Variants in ANKRD62 observed in about 807,000 individuals in gnomAD.
ANKRD62 encodes the protein ankyrin repeat domain-containing protein 62.
ANKRD62 carries 61 observed loss-of-function variants against 98.8 expected under a neutral mutation model. The observed-to-expected ratio is 0.62, with a 90% CI of 0.50 to 0.76. The LOEUF is 0.76. ANKRD62 is among the 30% of genes least tolerant of loss of function. The probability of loss-of-function intolerance (pLI) is 0.00; values close to 1 mark genes in which losing one functional copy is unlikely to be tolerated. For missense variants in ANKRD62, 933 were observed against 1,082.9 expected, an observed-to-expected ratio of 0.86 and a Z score of 1.94; for synonymous variants, 341 against 367.9, an observed-to-expected ratio of 0.93 and a Z score of 0.84.
chr18:12,169,029 T>G, the ANKRD62 span, among the ~76,000 whole-genome samples: 1 of 152,194 alleles, frequency 6.6e-6, no homozygotes, highest in Non-Finnish European at 1.5e-5. Context: ...TAAGGAGATT[T>G]TGGGCTGAGA....
At chr18:12,107,055 G>T (rs535954483) in intron 7 of ANKRD62, among the ~76,000 whole-genome samples, 1 of 152,050 alleles carries the variant, frequency 6.6e-6, no homozygotes, top group South Asian at 2.1e-4. Flanking sequence ...TTTGGAATGG[G>T]CCCATTTTGA....
Position 12,125,455 on chromosome 18 carries a change from T to C in ANKRD62, c.1639-5T>C. On this transcript the variant is annotated splice_polypyrimidine_tract_variant and splice_region_variant and intron_variant, in intron 12 of 13. Transcript: ENST00000587848. The stretch of plus-strand genomic sequence containing the variant: ...CTAGTTGAGAGTTTTCTTTGTTTTA[T>C]TTAGAATTTTCATACTCATGAAAGA... The C allele has an allele frequency of 6.9e-7, 1 of 1,444,110 alleles. No individual in the cohort carries two copies. The highest frequency in any genetic ancestry group is 1.6e-5 in the South Asian group (1 of 64,118). 89.5% of individuals were successfully genotyped at this position (1,444,110 alleles called of 1,614,324 possible).
the ANKRD62 span, among the ~76,000 whole-genome samples, chr18:12,165,341 TC>T: frequency 6.6e-6 from 1 of 152,014 alleles, no homozygotes; most frequent in Non-Finnish European, 1.5e-5. Context: ...TTTCAAGTCT[TC>T]TTTTCTTCCT....
the ANKRD62 span, among the ~76,000 whole-genome samples, chr18:12,156,833 AT>A: frequency 6.6e-6 from 1 of 152,314 alleles, no homozygotes; most frequent in Admixed American, 6.5e-5. Flanking sequence ...TCATTGCTTG[AT>A]TGAAAATGTC....
rs1405399936 is a variant in ANKRD62 at position 12,115,383 on chromosome 18, T to A, written c.1099-10T>A. On this transcript the variant is annotated splice_polypyrimidine_tract_variant and intron_variant, in intron 9 of 13. Coordinates refer to ENST00000587848, the MANE Select transcript of ANKRD62 (RefSeq NM_001277333.2). ...GAGGGCATTTTGAAACAGTGTTATT[T>A]ATTTTATAGGTTAAAAGCCAAATAT... 1 of 1,526,442 alleles carries A rather than the reference T, an allele frequency of 6.6e-7. No individual in the cohort carries two copies. The highest frequency in any genetic ancestry group is 8.8e-7 in the Non-Finnish European group (1 of 1,141,712). 94.6% of individuals were successfully genotyped at this position (1,526,442 alleles called of 1,614,324 possible).
chr18:12,156,173 G>A, the ANKRD62 span, among the ~76,000 whole-genome samples: 3 of 150,884 alleles, frequency 2.0e-5, no homozygotes, highest in Admixed American at 6.6e-5. Flanking sequence ...ATAATTGGAA[G>A]CTTCCTGAGG....
At chr18:12,157,250 A>T in the ANKRD62 span, among the ~76,000 whole-genome samples, 1 of 152,150 alleles carries the variant, frequency 6.6e-6, no homozygotes, top group Non-Finnish European at 1.5e-5. Context: ...TATACAGTAA[A>T]ATTTATTCTT....
chr18:12,174,785 T>C, the ANKRD62 span, among the ~76,000 whole-genome samples: 2 of 152,250 alleles, frequency 1.3e-5, no homozygotes, highest in Admixed American at 1.3e-4. Context: ...TCCCAACTCC[T>C]GAACTACCTG....
At position 12,125,951 on chromosome 18, in the gene ANKRD62, G is replaced by A; in HGVS notation, c.2130G>A (p.Glu710=). 1 of 1,538,022 alleles carries A rather than the reference G, an allele frequency of 6.5e-7. No homozygotes were observed. Among genetic ancestry groups the A allele is most frequent in the Non-Finnish European group, 8.7e-7 (1 of 1,146,924 alleles). Residue 710 remains glutamate (E), a synonymous_variant, in exon 13 of 14, where the codon GAG becomes GAA. Transcript: ENST00000587848. ...TTTCTCAGCAACTTTCTAAAGCTGA[G>A]AGTACATCCAGTGGCCTGGAAACTG... ...QILSQQLSKA[E]STSSGLETEL...
chr18:12,123,348 T>C (rs982291052), intron 11 of ANKRD62, among the ~76,000 whole-genome samples: 6 of 152,140 alleles, frequency 3.9e-5, no homozygotes, highest in African/African-American at 1.4e-4. Flanking sequence ...CAACCACGCC[T>C]GGCCCAGTTT....
chr18:12,098,175 G>C (rs1011759952), intron 5 of ANKRD62, among the ~76,000 whole-genome samples: 10 of 152,148 alleles, frequency 6.6e-5, no homozygotes, highest in African/African-American at 2.2e-4. Context: ...GCTTTTCTTA[G>C]ATAGAGGAGG....
At chr18:12,113,660 G>A (rs977520501) in intron 8 of ANKRD62, among the ~76,000 whole-genome samples, 16 of 152,120 alleles carry the variant, frequency 1.1e-4, no homozygotes, top group Non-Finnish European at 1.9e-4. Context: ...AGATGCTTGT[G>A]AGGTTGTACA....
chr18:12,102,750 ACT>A, intron 6 of ANKRD62: 1 of 1,002,482 alleles, frequency 1.0e-6, no homozygotes, highest in Non-Finnish European at 1.2e-6. Flanking sequence ...ATTGGAAGTT[ACT>A]CATAATAAGA....
chr18:12,129,058 C>T lies in ANKRD62; in HGVS notation c.*1119C>T, dbSNP rs1365011442. On this transcript the variant is annotated 3_prime_UTR_variant, in exon 14 of 14. Coordinates refer to ENST00000587848, the MANE Select transcript of ANKRD62 (RefSeq NM_001277333.2). Reference sequence around the variant, plus strand: ...CTCCAGCCTGGGTGGCTGAGCAAGACTCCGTCTTAAAAAAAAAAAAGTGCA... The same window carrying T: ...CTCCAGCCTGGGTGGCTGAGCAAGATTCCGTCTTAAAAAAAAAAAAGTGCA... 2 of 151,234 alleles carry T rather than the reference C, an allele frequency of 1.3e-5. No individual in the cohort carries two copies. The highest frequency in any genetic ancestry group is 2.4e-5 in the African/African-American group (1 of 41,054). The allele number at this position is 151,234 out of a possible 1,614,324, so 9.4% of individuals were successfully genotyped here.
chr18:12,170,958 C>CTTTTTTTT, the ANKRD62 span, among the ~76,000 whole-genome samples: 1 of 137,028 alleles, frequency 7.3e-6, no homozygotes, highest in Non-Finnish European at 1.6e-5. Flanking sequence ...GCAACCCCTG[C>CTTTTTTTT]TTTTTTTTTT....
At chr18:12,110,590 G>A (rs6505717) in intron 8 of ANKRD62, among the ~76,000 whole-genome samples, 90,365 of 151,966 alleles carry the variant, frequency 0.59, 27,407 homozygotes, top group Middle Eastern at 0.76. Flanking sequence ...TGTCCTTGAA[G>A]TTGAACTGTC....
rs2143937795 is a variant in ANKRD62, at chr18:12,129,257, G to T, written c.*1318G>T. The T allele has an allele frequency of 6.6e-6, 1 of 152,218 alleles. No homozygotes were observed. The highest frequency in any genetic ancestry group is 2.1e-4 in the South Asian group (1 of 4,820). 9.4% of individuals were successfully genotyped at this position (152,218 alleles called of 1,614,324 possible). A position where few individuals can be genotyped will look rare whatever the true frequency, so the allele number is the denominator to read the frequency against. On this transcript the variant is annotated 3_prime_UTR_variant, in exon 14 of 14. Coordinates refer to ENST00000587848, the MANE Select transcript of ANKRD62 (RefSeq NM_001277333.2). Reference sequence around the variant, plus strand: ...ATCTGATAAAATAGAAATTAGAAAAGAAAAATACTGTGTTTTAATCCTAGA... The same window carrying T: ...ATCTGATAAAATAGAAATTAGAAAATAAAAATACTGTGTTTTAATCCTAGA...
Position 12,097,599 on chromosome 18 carries a change from T to C in ANKRD62, c.615-41T>C, listed in dbSNP as rs971609909. ...ATAAATTTAGCTTTTAACATAGCTT[T>C]GCTAAAGTTCCTAAGCATGAAATTA... On this transcript the variant is annotated intron_variant, in intron 4 of 13. Coordinates refer to ENST00000587848, the MANE Select transcript of ANKRD62 (RefSeq NM_001277333.2). 3 of 1,504,004 alleles carry C rather than the reference T, an allele frequency of 2.0e-6. No homozygotes were observed. In the African/African-American group the frequency reaches 4.2e-5, roughly 21 times the overall value. The allele number at this position is 1,504,004 out of a possible 1,614,324, so 93.2% of individuals were successfully genotyped here.
chr18:12,116,159 C>A (rs1015906485), intron 10 of ANKRD62, among the ~76,000 whole-genome samples: 5 of 152,166 alleles, frequency 3.3e-5, no homozygotes, highest in African/African-American at 1.2e-4. Flanking sequence ...TTGACAGATA[C>A]ATACCCGTGT....
Sources: allele counts gnomAD v4.1 joint callset (sites outside exome capture counted in the v4.1 genomes callset), GRCh38; gene constraint gnomAD v4.1.1; transcripts MANE v1.5; gene names NCBI Gene and HGNC (gene_info 2026-07-23, HGNC 2026-07-21).